Variants in PAM observed in about 807,000 individuals in gnomAD.
The protein encoded by PAM is peptidyl-glycine alpha-amidating monooxygenase.
PAM carries 72 observed loss-of-function variants against 122.1 expected under a neutral mutation model. That is an observed-to-expected ratio of 0.59 (90% CI 0.49 to 0.72). The LOEUF is 0.72. Among genes scored for constraint, PAM ranks in the 30% least tolerant of loss-of-function variants. The pLI, the probability that PAM is intolerant of heterozygous loss-of-function variation, is 0.00. For synonymous variants in PAM, 389 were observed against 404.4 expected (o/e 0.96, Z 0.46); for missense variants, 1,106 against 1,183.7 (o/e 0.93, Z 0.96).
intron 1 of PAM, among the ~76,000 whole-genome samples, chr5:102,847,543 C>T (rs1780255329): frequency 6.6e-6 from 1 of 151,950 alleles, no homozygotes; most frequent in South Asian, 2.1e-4. Context: ...GCAGTGAATG[C>T]AACTCTTTAT....
chr5:102,964,330 C>T (rs927015149), intron 14 of PAM, among the ~76,000 whole-genome samples: 1 of 151,970 alleles, frequency 6.6e-6, no homozygotes, highest in Admixed American at 6.6e-5. Flanking sequence ...CAAATCCAGT[C>T]TGTGCTTTCT....
intron 14 of PAM, among the ~76,000 whole-genome samples, chr5:102,965,299 A>G (rs1359219006): frequency 6.6e-6 from 1 of 151,668 alleles, no homozygotes; most frequent in Non-Finnish European, 1.5e-5. Flanking sequence ...TCACTATACC[A>G]AAGCTATAAA....
At chr5:102,899,907 G>T (rs561571696) in intron 3 of PAM, among the ~76,000 whole-genome samples, 7 of 151,704 alleles carry the variant, frequency 4.6e-5, no homozygotes, top group Admixed American at 2.6e-4. Context: ...TTTGGGAGGA[G>T]AAGCAAACTT....
rs1355565689 is a variant in PAM at position 102,755,317 on chromosome 5, T to C, written c.-405T>C. 2 of 152,170 alleles carry C rather than the reference T, an allele frequency of 1.3e-5. No individual in the cohort carries two copies. Among genetic ancestry groups the C allele is most frequent in the Non-Finnish European group, 2.9e-5 (2 of 68,252 alleles). The allele number at this position is 152,170 out of a possible 1,614,324, so 9.4% of individuals were successfully genotyped here. On this transcript the variant is annotated 5_prime_UTR_variant, in exon 1 of 26. Coordinates refer to ENST00000438793, the MANE Select transcript of PAM (RefSeq NM_001177306.2). ...CGCTCCGCCGCCCGCAGGCTCCGGCTTCCGTCCCGGACAGAGCCCGTGGTC... is the reference window on the plus strand; with the variant it reads ...CGCTCCGCCGCCCGCAGGCTCCGGCCTCCGTCCCGGACAGAGCCCGTGGTC...
At chr5:103,027,165 T>G (rs1231568840) in intron 24 of PAM, among the ~76,000 whole-genome samples, 5 of 152,214 alleles carry the variant, frequency 3.3e-5, no homozygotes, top group African/African-American at 1.2e-4. Context: ...ACCTTCCATT[T>G]ATTCATCATT....
intron 1 of PAM, among the ~76,000 whole-genome samples, chr5:102,839,460 C>G: frequency 6.6e-6 from 1 of 150,862 alleles, no homozygotes; most frequent in East Asian, 2.0e-4. Context: ...TCACTTGAGC[C>G]CGGGAGGTGG....
rs1434648550 is a variant in PAM, at chr5:102,991,350, TA to T, written c.1613+951del. 5.9e-5 allele frequency among the ~76,000 whole-genome samples: 9 copies of T among 152,334 alleles called. No individual in the cohort carries two copies. The East Asian group carries it at 1.7e-3, about 29-fold the overall frequency. The stretch of plus-strand genomic sequence containing the variant: ...ATTTAGCAGCTTATTTTAATTCTTT[TA>T]AGTAATGAATAGCCATTATTCATTT... On this transcript the variant is annotated intron_variant, in intron 16 of 25. Transcript: ENST00000438793.
chr5:102,982,518 A>G (rs1001904348), intron 15 of PAM, among the ~76,000 whole-genome samples: 2 of 152,176 alleles, frequency 1.3e-5, no homozygotes, highest in Non-Finnish European at 2.9e-5. Flanking sequence ...AGTGGGGCCC[A>G]AGGATCAACC....
At chr5:102,804,071 A>C (rs1765594004) in intron 1 of PAM, among the ~76,000 whole-genome samples, 2 of 152,084 alleles carry the variant, frequency 1.3e-5, no homozygotes, top group African/African-American at 4.8e-5. Flanking sequence ...GAATTCCAGG[A>C]GGAAGAAACA....
At chr5:102,824,718 A>G (rs1271060122) in intron 1 of PAM, among the ~76,000 whole-genome samples, 1 of 152,212 alleles carries the variant, frequency 6.6e-6, no homozygotes, top group Non-Finnish European at 1.5e-5. Flanking sequence ...ATGAGATTTC[A>G]AAGCAATATC....
intron 16 of PAM, among the ~76,000 whole-genome samples, chr5:102,997,110 T>G (rs938203971): frequency 6.6e-6 from 1 of 152,160 alleles, no homozygotes; most frequent in Non-Finnish European, 1.5e-5. Flanking sequence ...TAAAATGCCC[T>G]TTATACATAT....
intron 1 of PAM, among the ~76,000 whole-genome samples, chr5:102,850,870 G>C (rs1286515568): frequency 6.6e-6 from 1 of 152,094 alleles, no homozygotes; most frequent in African/African-American, 2.4e-5. Context: ...GAAATCTAGA[G>C]GTAGAAAAAA....
intron 1 of PAM, among the ~76,000 whole-genome samples, chr5:102,768,502 C>T (rs1223714050): frequency 6.6e-6 from 1 of 151,924 alleles, no homozygotes; most frequent in Non-Finnish European, 1.5e-5. Flanking sequence ...CTCTCCACTT[C>T]CCGGTCTCTG....
chr5:102,802,366 G>C (rs1288283277), intron 1 of PAM, among the ~76,000 whole-genome samples: 2 of 152,150 alleles, frequency 1.3e-5, no homozygotes. Flanking sequence ...TTCAGAGCTA[G>C]TATAAAGATG....
At position 103,020,095 on chromosome 5, in the gene PAM, T is replaced by A. The variant is rs115392842; in HGVS notation, c.2485+252T>A. Among the ~76,000 whole-genome samples, 1,244 of 152,196 alleles carry A rather than the reference T, an allele frequency of 8.2e-3. 15 individuals are homozygous for A. Among genetic ancestry groups the A allele is most frequent in the African/African-American group, 0.028 (1,156 of 41,524 alleles). ...AGAAAGTGATTGAGGATACAAAAAC[T>A]TTGTAACTAGTGAGCCAGAGATATT... is the stretch of plus-strand genomic sequence containing the variant. On this transcript the variant is annotated intron_variant, in intron 23 of 25. Coordinates refer to ENST00000438793, the MANE Select transcript of PAM (RefSeq NM_001177306.2).
chr5:102,765,642 T>A (rs530626199), intron 1 of PAM, among the ~76,000 whole-genome samples: 1 of 152,340 alleles, frequency 6.6e-6, no homozygotes, highest in African/African-American at 2.4e-5. Flanking sequence ...CACAGAAATG[T>A]ATTGTCTCAG....
chr5:102,983,751 A>G (rs550929919), intron 15 of PAM, among the ~76,000 whole-genome samples: 1 of 152,310 alleles, frequency 6.6e-6, no homozygotes, highest in East Asian at 1.9e-4. Context: ...AATTTTCAAA[A>G]GTTAAAAACA....
chr5:103,028,996 G>C lies in PAM; in HGVS notation c.2853G>C (p.Glu951Asp). The change falls in exon 26 of 26, where the codon GAG becomes GAC. Residue 951 changes from glutamate (E) to aspartate (D), a missense_variant. Coordinates refer to ENST00000438793, the MANE Select transcript of PAM (RefSeq NM_001177306.2). ...CTGAGGGCAGTGACCAAGAGAAAGA[G>C]GATGATGGAAGTGAATCAGAAGAGG... The part of the protein sequence containing the change: ...LSTEGSDQEK[E>D]DDGSESEEEY... The C allele has an allele frequency of 1.2e-6, 2 of 1,613,888 alleles. No homozygotes were observed. The highest frequency in any genetic ancestry group is 1.7e-6 in the Non-Finnish European group (2 of 1,179,840).
At chr5:102,997,546 T>C (rs1350625583) in intron 16 of PAM, among the ~76,000 whole-genome samples, 1 of 152,154 alleles carries the variant, frequency 6.6e-6, no homozygotes, top group Non-Finnish European at 1.5e-5. Flanking sequence ...TTACTTACTC[T>C]GTCTTATTTT....
Sources: gnomAD v4.1 joint callset for allele counts (sites outside exome capture counted in the v4.1 genomes callset) on GRCh38, gnomAD v4.1.1 for gene constraint, MANE v1.5 for transcripts, NCBI Gene and HGNC (gene_info 2026-07-23, HGNC 2026-07-21) for gene names.